The following RBFOX1 variants were observed in gnomAD, a reference collection of about 807,000 sequenced individuals.
RBFOX1 encodes the protein RNA binding fox-1 homolog 1.
In RBFOX1, 8 loss-of-function variants were observed where a neutral mutation model predicts 57.7. The ratio of observed to expected loss-of-function variants is 0.14; its 90% CI spans 0.08 to 0.25. The LOEUF (loss-of-function observed/expected upper bound fraction) is 0.25, where lower values mean the gene tolerates loss of function less well. Ranked by LOEUF, RBFOX1 falls within the 10% of genes least tolerant of loss-of-function variation. The pLI is 1.00. For synonymous variants in RBFOX1, 326 were observed against 222.4 expected, an observed-to-expected ratio of 1.47 and a Z score of -4.15; for missense variants, 611 against 548.5, an observed-to-expected ratio of 1.11 and a Z score of -1.14.
chr16:6,925,250 C>G (rs1449513483), intron 3 of RBFOX1, among the ~76,000 whole-genome samples: 1 of 146,884 alleles, frequency 6.8e-6, no homozygotes, highest in Admixed American at 7.0e-5. Context: ...TGTCGTACCT[C>G]AGTCTCCCAA....
intron 2 of RBFOX1, among the ~76,000 whole-genome samples, chr16:5,483,469 G>A (rs1436092770): frequency 1.3e-5 from 2 of 152,166 alleles, no homozygotes; most frequent in African/African-American, 4.8e-5. Context: ...GAATTCTAAA[G>A]CTCCTTCCGG....
chr16:6,781,117 A>T (rs2080946757), intron 3 of RBFOX1, among the ~76,000 whole-genome samples: 1 of 152,118 alleles, frequency 6.6e-6, no homozygotes, highest in African/African-American at 2.4e-5. Context: ...TAATAGCTTC[A>T]TTGGTCCAGG....
At chr16:7,654,756 C>T (rs546880074) in intron 12 of RBFOX1, among the ~76,000 whole-genome samples, 1 of 152,312 alleles carries the variant, frequency 6.6e-6, no homozygotes, top group East Asian at 1.9e-4. Flanking sequence ...GAAAGGGATA[C>T]CTCCAAGGCA....
chr16:6,907,466 G>T (rs2070324985), intron 3 of RBFOX1, among the ~76,000 whole-genome samples: 1 of 152,192 alleles, frequency 6.6e-6, no homozygotes, highest in African/African-American at 2.4e-5. Context: ...TGTTCTGAAG[G>T]CTAGAAGTGT....
chr16:6,580,498 G>C (rs576828442), intron 2 of RBFOX1, among the ~76,000 whole-genome samples: 1 of 152,140 alleles, frequency 6.6e-6, no homozygotes, highest in South Asian at 2.1e-4. Context: ...AACTCCGTAA[G>C]ACATAATCCC....
At chr16:7,698,292 A>G (rs1481152949) in intron 14 of RBFOX1, among the ~76,000 whole-genome samples, 1 of 151,992 alleles carries the variant, frequency 6.6e-6, no homozygotes, top group Non-Finnish European at 1.5e-5. Context: ...CCCACCATGC[A>G]TTCCCTTAGC....
chr16:6,786,191 C>T (rs1214666642), intron 3 of RBFOX1, among the ~76,000 whole-genome samples: 1 of 152,142 alleles, frequency 6.6e-6, no homozygotes, highest in African/African-American at 2.4e-5. Flanking sequence ...CCTGTTGACT[C>T]CTCATTCCTT....
Position 7,245,375 on chromosome 16 carries a change from G to A in RBFOX1, c.27+193277G>A, listed in dbSNP as rs144318865. 5.8e-3 allele frequency among the ~76,000 whole-genome samples: 882 copies of A among 152,068 alleles called. 11 individuals carry two copies. Among genetic ancestry groups the A allele is most frequent in the African/African-American group, 0.02 (823 of 41,482 alleles). On this transcript the variant is annotated intron_variant, in intron 4 of 15. Coordinates refer to ENST00000550418, the MANE Select transcript of RBFOX1 (RefSeq NM_018723.4). ...CATGTACAGGATGTGCAGGTTCATT[G>A]CATAGGTAAACATGTGCCATGGTTG...
chr16:6,838,360 A>C (rs12444909), intron 3 of RBFOX1, among the ~76,000 whole-genome samples: 9,788 of 152,212 alleles, frequency 0.064, 597 homozygotes, highest in Admixed American at 0.15. Flanking sequence ...CCATTAACTC[A>C]TTCTTTTTTA....
chr16:5,525,491 A>ATCT (rs2044205547), intron 2 of RBFOX1, among the ~76,000 whole-genome samples: 1 of 78,270 alleles, frequency 1.3e-5, no homozygotes, highest in Non-Finnish European at 2.3e-5. Flanking sequence ...AGCCGACACT[A>ATCT]TTTTTTTTTT....
At chr16:7,243,366 A>G (rs1325578193) in intron 4 of RBFOX1, among the ~76,000 whole-genome samples, 1 of 152,180 alleles carries the variant, frequency 6.6e-6, no homozygotes, top group African/African-American at 2.4e-5. Flanking sequence ...TGAGATGAAG[A>G]GACATCATGG....
intron 1 of RBFOX1, among the ~76,000 whole-genome samples, chr16:5,267,136 C>G (rs1040893989): frequency 6.6e-6 from 1 of 151,844 alleles, no homozygotes; most frequent in African/African-American, 2.4e-5. Context: ...GATGAAGCCT[C>G]CTTCTGAGGA....
intron 3 of RBFOX1, among the ~76,000 whole-genome samples, chr16:6,986,813 CA>C (rs2090393245): frequency 6.6e-6 from 1 of 152,106 alleles, no homozygotes; most frequent in Non-Finnish European, 1.5e-5. Flanking sequence ...CGCTGTAGGG[CA>C]GGTGCCTGTA....
chr16:7,435,184 C>T (rs1015151205), intron 4 of RBFOX1, among the ~76,000 whole-genome samples: 1 of 152,066 alleles, frequency 6.6e-6, no homozygotes, highest in Non-Finnish European at 1.5e-5. Context: ...GCCATGTCTT[C>T]TTCTCCCCTT....
chr16:6,548,725 G>C (rs1181683364), intron 2 of RBFOX1, among the ~76,000 whole-genome samples: 1 of 152,152 alleles, frequency 6.6e-6, no homozygotes, highest in Non-Finnish European at 1.5e-5. Flanking sequence ...TCTCAGATCT[G>C]CTTCCTCTCT....
chr16:5,344,231 G>C (rs1474076604), intron 1 of RBFOX1, among the ~76,000 whole-genome samples: 1 of 152,148 alleles, frequency 6.6e-6, no homozygotes, highest in Non-Finnish European at 1.5e-5. Flanking sequence ...TCTTGCCCTA[G>C]GTTTGGGTTC....
chr16:5,788,458 G>A (rs2054584172), intron 3 of RBFOX1, among the ~76,000 whole-genome samples: 1 of 151,954 alleles, frequency 6.6e-6, no homozygotes, highest in South Asian at 2.1e-4. Context: ...GTGAAACACT[G>A]TCTCTACCAA....
At chr16:5,955,335 A>AT (rs1567187673) in intron 4 of RBFOX1, among the ~76,000 whole-genome samples, 78 of 81,280 alleles carry the variant, frequency 9.6e-4, no homozygotes, top group African/African-American at 1.9e-3. Flanking sequence ...ATAAAATAAA[A>AT]TAAAATAAAA....
chr16:7,269,418 T>C (rs2095262215), intron 4 of RBFOX1, among the ~76,000 whole-genome samples: 1 of 152,174 alleles, frequency 6.6e-6, no homozygotes, highest in Non-Finnish European at 1.5e-5. Context: ...CATTTTGATA[T>C]TTCTCTTTTT....
Sources: allele counts gnomAD v4.1 joint callset (sites outside exome capture counted in the v4.1 genomes callset), GRCh38; gene constraint gnomAD v4.1.1; transcripts MANE v1.5; gene names NCBI Gene and HGNC (gene_info 2026-07-23, HGNC 2026-07-21).